The following NFASC variants were observed in gnomAD, a reference collection of about 807,000 sequenced individuals.
NFASC encodes the protein neurofascin.
In NFASC, 43 loss-of-function variants were observed where a neutral mutation model predicts 147.5. That is an observed-to-expected ratio of 0.29 (90% CI 0.23 to 0.38). The LOEUF (loss-of-function observed/expected upper bound fraction) is 0.38, where lower values mean the gene tolerates loss of function less well. Ranked by LOEUF, NFASC falls within the 10% of genes least tolerant of loss-of-function variation. NFASC has a pLI of 1.00. For synonymous variants in NFASC, 622 were observed against 665.5 expected, an observed-to-expected ratio of 0.93 and a Z score of 1.01; for missense variants, 1,320 against 1,689.0, an observed-to-expected ratio of 0.78 and a Z score of 3.83.
rs1282216503 is a variant in NFASC at position 205,019,321 on chromosome 1, C to G, written c.*2782C>G. ...ACCCCAAGACATACCAACAGTGAAG[C>G]CAGGACAGCACCATGCCATCGGCGC... On this transcript the variant is annotated 3_prime_UTR_variant, in exon 30 of 30. Transcript: ENST00000339876. 2 of 152,218 alleles carry G rather than the reference C, an allele frequency of 1.3e-5. No homozygotes were observed. The highest frequency in any genetic ancestry group is 2.1e-4 in the South Asian group (1 of 4,836). 9.4% of individuals were successfully genotyped at this position (152,218 alleles called of 1,614,324 possible).
rs1339890877 is a variant in NFASC at position 205,015,033 on chromosome 1, A to G, written c.3492-1275A>G. On this transcript the variant is annotated intron_variant, in intron 29 of 29. Transcript: ENST00000339876. This position sits in a 1 kb window ranked among gnomAD's most constrained non-coding sequence, Gnocchi z 4.0. ...AGTTAGGCTGTATTCGTGGGGCAGC[A>G]CTGTGGGGAGTGGGCTAATAGCTTT... Among the ~76,000 whole-genome samples, 1 of 152,100 alleles carries G rather than the reference A, an allele frequency of 6.6e-6. No homozygotes were observed. The highest frequency in any genetic ancestry group is 1.5e-5 in the Non-Finnish European group (1 of 68,012).
intron 2 of NFASC, among the ~76,000 whole-genome samples, chr1:204,927,618 A>G (rs1464877872): frequency 1.3e-5 from 2 of 152,148 alleles, no homozygotes; most frequent in Admixed American, 6.5e-5. Flanking sequence ...AATACTCTCT[A>G]CCACCTGGGT....
At chr1:204,833,229 A>G (rs572303767) in intron 1 of NFASC, among the ~76,000 whole-genome samples, 1 of 152,314 alleles carries the variant, frequency 6.6e-6, no homozygotes, top group Non-Finnish European at 1.5e-5. Context: ...TAGGCACCCT[A>G]CTCTATGCTT....
At position 204,974,503 on chromosome 1, in the gene NFASC, G is replaced by T. The variant is rs557443354; in HGVS notation, c.1392-154G>T. ...GATGGAGGCTTGCCAGGGCCACCTGGTGGCTAGAGGCAGACCCTCCGAGGC... is the reference window on the plus strand; with the variant it reads ...GATGGAGGCTTGCCAGGGCCACCTGTTGGCTAGAGGCAGACCCTCCGAGGC... On this transcript the variant is annotated intron_variant, in intron 13 of 29. Coordinates refer to ENST00000339876, the MANE Select transcript of NFASC (RefSeq NM_001005388.3). The T allele has an allele frequency of 1.8e-4, 176 of 964,000 alleles. 4 individuals carry two copies. Among genetic ancestry groups the T allele is most frequent in the South Asian group, 1.5e-3 (113 of 75,018 alleles). The allele number at this position is 964,000 out of a possible 1,614,324, so 59.7% of individuals were successfully genotyped here.
chr1:205,003,390 T>C (rs757106216), intron 27 of NFASC, among the ~76,000 whole-genome samples: 3 of 152,218 alleles, frequency 2.0e-5, no homozygotes, highest in African/African-American at 7.2e-5. Flanking sequence ...GCTTTAGCTG[T>C]GGATGAAGAA....
At chr1:204,860,893 A>G (rs899181140) in intron 1 of NFASC, among the ~76,000 whole-genome samples, 7 of 152,106 alleles carry the variant, frequency 4.6e-5, no homozygotes, top group Admixed American at 2.0e-4. Flanking sequence ...ACATTGTAGC[A>G]TGGATCAGTT....
chr1:205,003,437 G>A (rs1314413518), intron 27 of NFASC, among the ~76,000 whole-genome samples: 2 of 152,186 alleles, frequency 1.3e-5, no homozygotes, highest in East Asian at 3.9e-4. Flanking sequence ...GCCAACTGGG[G>A]CTCAGCAAAG....
rs952398861 is a variant in NFASC, at chr1:205,015,763, C to T, written c.3492-545C>T. Among the ~76,000 whole-genome samples the T allele has an allele frequency of 6.6e-6, 1 of 152,034 alleles. No individual in the cohort carries two copies. Among genetic ancestry groups the T allele is most frequent in the Non-Finnish European group, 1.5e-5 (1 of 68,016 alleles). ...AACCAGATAGCTCAGCGAAAGACAC[C>T]AAGACAGACAAGCAGAGAGGTGAGG... On this transcript the variant is annotated intron_variant, in intron 29 of 29. Transcript: ENST00000339876. This position sits in a 1 kb window ranked among gnomAD's most constrained non-coding sequence, Gnocchi z 4.0.
chr1:204,877,008 A>G (rs1290175328), intron 1 of NFASC, among the ~76,000 whole-genome samples: 1 of 110,416 alleles, frequency 9.1e-6, no homozygotes, highest in African/African-American at 4.2e-5. Context: ...ATATATATAT[A>G]TATATATATA....
Position 204,840,454 on chromosome 1 carries a change from A to G in NFASC, c.-200+11672A>G, listed in dbSNP as rs548344369. 2.1e-4 allele frequency among the ~76,000 whole-genome samples: 32 copies of G among 152,358 alleles called. No individual in the cohort carries two copies. The South Asian group carries it at 3.1e-3, about 15-fold the overall frequency. On this transcript the variant is annotated intron_variant, in intron 1 of 29. Coordinates refer to ENST00000339876, the MANE Select transcript of NFASC (RefSeq NM_001005388.3). ...CTTCTGCTGTGCTTTTCACGTGGCT[A>G]TATCTTCTTTACAACAAGAGACTAT...
At chr1:204,856,364 A>G (rs977439288) in intron 1 of NFASC, among the ~76,000 whole-genome samples, 1 of 147,388 alleles carries the variant, frequency 6.8e-6, no homozygotes, top group African/African-American at 2.5e-5. Context: ...CAAAAGTGCC[A>G]AGGAGAGATG....
In NFASC at chr1:204,991,159, G is replaced by A. The variant is rs906117495; in HGVS notation, c.2768-133G>A. 17 of 1,044,854 alleles carry A rather than the reference G, an allele frequency of 1.6e-5. No homozygotes were observed. The Admixed American group carries it at 1.6e-4, about 10-fold the overall frequency. 64.7% of individuals were successfully genotyped at this position (1,044,854 alleles called of 1,614,324 possible). A position where few individuals can be genotyped will look rare whatever the true frequency, so the allele number is the denominator to read the frequency against. On this transcript the variant is annotated intron_variant, in intron 23 of 29. Coordinates refer to ENST00000339876, the MANE Select transcript of NFASC (RefSeq NM_001005388.3). ...AGGCCAGCAGCCAGCACCTGGCCACGCCGTCTGCATAAGGTTTGGGCTGGA... is the reference window on the plus strand; with the variant it reads ...AGGCCAGCAGCCAGCACCTGGCCACACCGTCTGCATAAGGTTTGGGCTGGA...
At chr1:204,992,680 G>C (rs2095761365) in intron 24 of NFASC, among the ~76,000 whole-genome samples, 1 of 152,182 alleles carries the variant, frequency 6.6e-6, no homozygotes, top group African/African-American at 2.4e-5. Context: ...CCGTGACGAA[G>C]AGGAAACGCA....
intron 3 of NFASC, among the ~76,000 whole-genome samples, chr1:204,947,461 G>A (rs145926193): frequency 1.3e-5 from 2 of 152,154 alleles, no homozygotes; most frequent in Non-Finnish European, 2.9e-5. Context: ...TCTGTGTCTC[G>A]AGGGCAGGGG....
At chr1:204,832,074 G>C (rs1460490229) in intron 1 of NFASC, among the ~76,000 whole-genome samples, 1 of 152,152 alleles carries the variant, frequency 6.6e-6, no homozygotes, top group Admixed American at 6.5e-5. Flanking sequence ...AAAAGGGTAG[G>C]GGACAAGATG....
chr1:204,954,757 C>A lies in NFASC; in HGVS notation c.413-72C>A, dbSNP rs570450470. Reference sequence around the variant, plus strand: ...TCTGTTTCTCCTCCTTGCATGCCTGCCTCTGACCCTGCTCCTTGCCCCGGG... The same window carrying A: ...TCTGTTTCTCCTCCTTGCATGCCTGACTCTGACCCTGCTCCTTGCCCCGGG... On this transcript the variant is annotated intron_variant, in intron 6 of 29. Coordinates refer to ENST00000339876, the MANE Select transcript of NFASC (RefSeq NM_001005388.3). This position sits in a 1 kb window ranked among gnomAD's most constrained non-coding sequence, Gnocchi z 5.7. 4.4e-5 allele frequency: 68 copies of A among 1,559,888 alleles called. No individual in the cohort carries two copies. The African/African-American group carries it at 8.5e-4, about 20-fold the overall frequency.
intron 1 of NFASC, among the ~76,000 whole-genome samples, chr1:204,853,915 A>G (rs1387778502): frequency 6.6e-6 from 1 of 152,154 alleles, no homozygotes; most frequent in African/African-American, 2.4e-5. Flanking sequence ...GAGGAAAGAG[A>G]CAGGCCACAA....
chr1:204,906,704 A>G (rs1219189701), intron 1 of NFASC, among the ~76,000 whole-genome samples: 1 of 148,126 alleles, frequency 6.8e-6, no homozygotes, highest in Non-Finnish European at 1.5e-5. Context: ...TTTTTTTGAG[A>G]TGGAGTCTCG....
intron 1 of NFASC, among the ~76,000 whole-genome samples, chr1:204,830,560 T>G (rs1671909350): frequency 6.6e-6 from 1 of 152,060 alleles, no homozygotes; most frequent in African/African-American, 2.4e-5. Context: ...TGTCTTTGGA[T>G]TCAACTGAAG....
Sources: gnomAD v4.1 joint callset for allele counts (sites outside exome capture counted in the v4.1 genomes callset) on GRCh38, gnomAD v4.1.1 for gene constraint, Gnocchi (gnomAD v3.1) non-coding constraint, MANE v1.5 for transcripts, NCBI Gene and HGNC (gene_info 2026-07-23, HGNC 2026-07-21) for gene names.